The following ARHGAP6 variants were observed in gnomAD, a reference collection of about 807,000 sequenced individuals.
ARHGAP6 encodes rho GTPase-activating protein 6.
In ARHGAP6, 16 loss-of-function variants were observed where a neutral mutation model predicts 55.7. That is an observed-to-expected ratio of 0.29 (90% CI 0.19 to 0.44). The LOEUF (loss-of-function observed/expected upper bound fraction) is 0.44, where lower values mean the gene tolerates loss of function less well. ARHGAP6 is among the 20% of genes least tolerant of loss of function. ARHGAP6 has a pLI of 1.00. For synonymous variants in ARHGAP6, 382 were observed against 360.9 expected, an observed-to-expected ratio of 1.06 and a Z score of -0.66; for missense variants, 698 against 808.9, an observed-to-expected ratio of 0.86 and a Z score of 1.66.
intron 8 of ARHGAP6, among the ~76,000 whole-genome samples, chrX:11,170,158 C>T (rs915842196): frequency 1.8e-5 from 2 of 111,580 alleles, no homozygotes; most frequent in Admixed American, 1.9e-4. Flanking sequence ...TTTTAAAGGT[C>T]TCTCATTCTA....
rs2050956767 is a variant in ARHGAP6, at chrX:11,523,495, C to A, written c.588+140746G>T. On this transcript the variant is annotated intron_variant, in intron 1 of 12. Coordinates refer to ENST00000337414, the MANE Select transcript of ARHGAP6 (RefSeq NM_013427.3). ...GTATATCTAGAATATCCCATCGTCT[C>A]AGCCCAAAATCTCCTTAAGCTGATA... Among the ~76,000 whole-genome samples, 5 of 112,079 alleles carry A rather than the reference C, an allele frequency of 4.5e-5. No individual in the cohort carries two copies. In the South Asian group the frequency reaches 1.5e-3, roughly 33 times the overall value.
At chrX:11,531,300 C>T (rs982428610) in intron 1 of ARHGAP6, among the ~76,000 whole-genome samples, 1 of 111,463 alleles carries the variant, frequency 9.0e-6, no homozygotes, top group Non-Finnish European at 1.9e-5. Context: ...ATTGAGCTTC[C>T]AATTATGGTT....
rs2051317955 is a variant in ARHGAP6, at chrX:11,556,096, G to T, written c.588+108145C>A. ...ATCCCTACTCTGCGCCAAATACTAGGTATAAAAGGATAAGATATAGTTCCT... is the reference window on the plus strand; with the variant it reads ...ATCCCTACTCTGCGCCAAATACTAGTTATAAAAGGATAAGATATAGTTCCT... On this transcript the variant is annotated intron_variant, in intron 1 of 12. Transcript: ENST00000337414. Among the ~76,000 whole-genome samples the T allele has an allele frequency of 3.6e-5, 4 of 111,103 alleles. 1 individual carries two copies. Among genetic ancestry groups the T allele is most frequent in the Admixed American group, 1.9e-4 (2 of 10,496 alleles).
intron 10 of ARHGAP6, among the ~76,000 whole-genome samples, chrX:11,150,851 G>A (rs1335056739): frequency 8.0e-5 from 9 of 112,253 alleles, no homozygotes; most frequent in Non-Finnish European, 1.5e-4. Context: ...TTTACCTTTT[G>A]TTTCAGGTTC....
At chrX:11,279,350 A>G (rs1436688290) in intron 1 of ARHGAP6, among the ~76,000 whole-genome samples, 1 of 112,313 alleles carries the variant, frequency 8.9e-6, no homozygotes, top group Non-Finnish European at 1.9e-5. Flanking sequence ...ATAACTTCAT[A>G]TTAACAAGAG....
chrX:11,560,043 T>C (rs937270334), intron 1 of ARHGAP6, among the ~76,000 whole-genome samples: 13 of 110,207 alleles, frequency 1.2e-4, no homozygotes, highest in African/African-American at 4.3e-4. Context: ...AACATGCTGA[T>C]TGCAAGTTCT....
At chrX:11,508,765 C>T (rs771456404) in intron 1 of ARHGAP6, among the ~76,000 whole-genome samples, 1 of 108,746 alleles carries the variant, frequency 9.2e-6, no homozygotes, top group South Asian at 4.1e-4. Flanking sequence ...AGCCCCACCC[C>T]TTTCGAATCT....
chrX:11,337,499 C>G (rs1388105485), intron 1 of ARHGAP6, among the ~76,000 whole-genome samples: 1 of 112,099 alleles, frequency 8.9e-6, no homozygotes, highest in East Asian at 2.8e-4. Flanking sequence ...AAGTCCAAAG[C>G]ATTTCTCCTG....
intron 1 of ARHGAP6, among the ~76,000 whole-genome samples, chrX:11,451,284 C>T (rs1349991469): frequency 3.6e-5 from 4 of 111,770 alleles, no homozygotes. Flanking sequence ...CAAAGAGAAA[C>T]TGTTATCACC....
At chrX:11,526,444 G>GCTTCAC (rs11269639) in intron 1 of ARHGAP6, among the ~76,000 whole-genome samples, 4,941 of 111,728 alleles carry the variant, frequency 0.044, 280 homozygotes, top group African/African-American at 0.15. Context: ...AAGCAGGCAG[G>GCTTCAC]ACACCAGAAG....
At position 11,446,648 on chromosome X, in the gene ARHGAP6, A is replaced by T. The variant is rs777974115; in HGVS notation, c.589-191941T>A. On this transcript the variant is annotated intron_variant, in intron 1 of 12. Coordinates refer to ENST00000337414, the MANE Select transcript of ARHGAP6 (RefSeq NM_013427.3). Reference sequence around the variant, plus strand: ...AAAGAATGACTGATGAAAAAAAATTAAAAAAACCTCTGGGCCCTGACTGAA... The same window carrying T: ...AAAGAATGACTGATGAAAAAAAATTTAAAAAACCTCTGGGCCCTGACTGAA... Among the ~76,000 whole-genome samples, 13 of 112,105 alleles carry T rather than the reference A, an allele frequency of 1.2e-4. No individual in the cohort carries two copies. The South Asian group carries it at 4.2e-3, about 36-fold the overall frequency.
At chrX:11,185,891 T>C (rs747566208) in intron 5 of ARHGAP6, among the ~76,000 whole-genome samples, 1 of 111,867 alleles carries the variant, frequency 8.9e-6, no homozygotes, top group Non-Finnish European at 1.9e-5. Context: ...GCTACTTTTA[T>C]GTATAAACAA....
intron 1 of ARHGAP6, among the ~76,000 whole-genome samples, chrX:11,632,536 G>A (rs1026205163): frequency 8.9e-6 from 1 of 111,956 alleles, no homozygotes; most frequent in Admixed American, 9.4e-5. Flanking sequence ...TTAGAGACTT[G>A]GAATTATTTG....
chrX:11,559,014 C>A (rs1485886461), intron 1 of ARHGAP6, among the ~76,000 whole-genome samples: 1 of 105,594 alleles, frequency 9.5e-6, no homozygotes, highest in Non-Finnish European at 1.9e-5. Flanking sequence ...CACTTGTCTG[C>A]CCTGTCCACA....
intron 1 of ARHGAP6, among the ~76,000 whole-genome samples, chrX:11,479,020 G>A (rs937114924): frequency 8.9e-6 from 1 of 112,160 alleles, no homozygotes; most frequent in Non-Finnish European, 1.9e-5. Flanking sequence ...GGCAGGCAAT[G>A]GGGCTATTGA....
intron 1 of ARHGAP6, among the ~76,000 whole-genome samples, chrX:11,492,238 G>T (rs911077707): frequency 2.1e-4 from 23 of 109,920 alleles, no homozygotes; most frequent in African/African-American, 6.6e-4. Context: ...GTCAATTTTG[G>T]CTTTTGTTGC....
chrX:11,179,273 A>G, intron 7 of ARHGAP6, 29 bp downstream of exon 7: 1 of 1,163,110 alleles, frequency 8.6e-7, no homozygotes, highest in Non-Finnish European at 1.2e-6. Context: ...TTCCAGGGCC[A>G]CTTTCCCACA....
chrX:11,267,699 A>T lies in ARHGAP6; in HGVS notation c.589-12992T>A, dbSNP rs146887860. ...GAAGGTGACTAAGTGAATAATCTCA[A>T]ATAATCCCGAGAGACAACATCTTGT... On this transcript the variant is annotated intron_variant, in intron 1 of 12. Transcript: ENST00000337414. Among the ~76,000 whole-genome samples the T allele has an allele frequency of 5.4e-3, 603 of 112,487 alleles. 1 individual carries two copies. Among genetic ancestry groups the T allele is most frequent in the Non-Finnish European group, 8.4e-3 (445 of 53,230 alleles).
chrX:11,612,788 C>A (rs1371552221), intron 1 of ARHGAP6, among the ~76,000 whole-genome samples: 2 of 112,593 alleles, frequency 1.8e-5, no homozygotes, highest in Non-Finnish European at 1.9e-5. Context: ...AGTGATACAA[C>A]TCCAGTGTTC....
Sources: gnomAD v4.1 joint callset for allele counts (sites outside exome capture counted in the v4.1 genomes callset) on GRCh38, gnomAD v4.1.1 for gene constraint, MANE v1.5 for transcripts, NCBI Gene and HGNC (gene_info 2026-07-23, HGNC 2026-07-21) for gene names.